CCDC102B: variants seen among roughly 807,000 people sequenced by gnomAD.
CCDC102B encodes the protein coiled-coil domain-containing protein 102B.
Under a neutral mutation model 57.4 loss-of-function variants are expected in CCDC102B, and 75 were observed. That is an observed-to-expected ratio of 1.31 (90% CI 1.08 to 1.58). CCDC102B has a LOEUF of 1.58. Among genes scored for constraint, CCDC102B ranks in the 40% most tolerant of loss-of-function variants. CCDC102B has a pLI of 0.00. For missense variants in CCDC102B, 636 were observed against 582.6 expected (o/e 1.09, Z -0.94); for synonymous variants, 206 against 201.9 (o/e 1.02, Z -0.17).
intron 2 of CCDC102B, among the ~76,000 whole-genome samples, chr18:68,769,407 C>T (rs2034567513): frequency 6.6e-6 from 1 of 152,054 alleles, no homozygotes; most frequent in African/African-American, 2.4e-5. Context: ...GCCCCATCTC[C>T]AAATAACATC....
At chr18:68,799,160 T>C (rs566274505) in intron 1 of CCDC102B, among the ~76,000 whole-genome samples, 3 of 152,224 alleles carry the variant, frequency 2.0e-5, no homozygotes, top group East Asian at 3.9e-4. Context: ...TTTTTATATA[T>C]CCAGTAAATA....
At chr18:69,003,636 T>C (rs968884336) in intron 6 of CCDC102B, among the ~76,000 whole-genome samples, 1 of 152,172 alleles carries the variant, frequency 6.6e-6, no homozygotes, top group Admixed American at 6.6e-5. Context: ...AATGAGCACA[T>C]AAAACAGTCT....
At chr18:68,973,279 G>A (rs2050347723) in intron 6 of CCDC102B, among the ~76,000 whole-genome samples, 1 of 152,076 alleles carries the variant, frequency 6.6e-6, no homozygotes, top group Non-Finnish European at 1.5e-5. Context: ...CTGCGTGTAA[G>A]TCTATATAAA....
chr18:68,811,659 C>G (rs1247667234), intron 1 of CCDC102B, among the ~76,000 whole-genome samples: 1 of 151,874 alleles, frequency 6.6e-6, no homozygotes, highest in Non-Finnish European at 1.5e-5. Context: ...ACAATTTAGG[C>G]AGGCAGAAGG....
At chr18:68,944,164 T>A (rs2049466622) in intron 6 of CCDC102B, among the ~76,000 whole-genome samples, 1 of 152,120 alleles carries the variant, frequency 6.6e-6, no homozygotes, top group African/African-American at 2.4e-5. Context: ...TAAGGAGCTC[T>A]TAATGTCTTG....
At chr18:68,796,830 T>A (rs1367098540), upstream of CCDC102B, among the ~76,000 whole-genome samples, 2 of 107,158 alleles carry the variant, frequency 1.9e-5, no homozygotes, top group Non-Finnish European at 3.9e-5. Context: ...AAATAGAATA[T>A]TTATGTACAT....
chr18:69,025,876 G>C (rs2051975029), intron 7 of CCDC102B, among the ~76,000 whole-genome samples: 1 of 152,168 alleles, frequency 6.6e-6, no homozygotes, highest in Non-Finnish European at 1.5e-5. Context: ...TCCGGAACTA[G>C]TTCCACATGC....
intron 1 of CCDC102B, among the ~76,000 whole-genome samples, chr18:68,821,467 A>G (rs1056731871): frequency 1.3e-5 from 2 of 151,582 alleles, no homozygotes; most frequent in Admixed American, 1.3e-4. Flanking sequence ...AATTAGACTC[A>G]CATACAATAT....
chr18:68,771,246 C>A (rs1012261034), intron 2 of CCDC102B, among the ~76,000 whole-genome samples: 4 of 152,142 alleles, frequency 2.6e-5, no homozygotes, highest in African/African-American at 9.7e-5. Flanking sequence ...GTCAAAGCAA[C>A]CAAGACTTCC....
At chr18:68,927,577 A>T (rs1568335093) in intron 6 of CCDC102B, among the ~76,000 whole-genome samples, 1 of 151,996 alleles carries the variant, frequency 6.6e-6, no homozygotes, top group Non-Finnish European at 1.5e-5. Flanking sequence ...AATGACATTG[A>T]TTGATTTAAA....
intron 6 of CCDC102B, among the ~76,000 whole-genome samples, chr18:68,954,312 C>G (rs867759187): frequency 6.6e-6 from 1 of 152,036 alleles, no homozygotes; most frequent in Non-Finnish European, 1.5e-5. Context: ...CCCAGCTACT[C>G]GGGAGGCTTA....
rs620271 is a variant in CCDC102B, at chr18:68,764,105, G to A, written c.-67+47511G>A. Reference sequence around the variant, plus strand: ...AAAATCTTAACATTCAAAAGCCAAGGATCTTAAGTACTCTTTGTTTGAAAT... The same window carrying A: ...AAAATCTTAACATTCAAAAGCCAAGAATCTTAAGTACTCTTTGTTTGAAAT... On this transcript the variant is annotated intron_variant, in intron 2 of 3. Transcript: ENST00000578970. 3.6e-3 allele frequency among the ~76,000 whole-genome samples: 550 copies of A among 152,092 alleles called. 2 individuals are homozygous for A. The highest frequency in any genetic ancestry group is 0.013 in the African/African-American group (521 of 41,506).
intron 2 of CCDC102B, among the ~76,000 whole-genome samples, chr18:68,781,649 TA>T (rs1278559322): frequency 6.6e-6 from 1 of 152,190 alleles, no homozygotes; most frequent in Non-Finnish European, 1.5e-5. Flanking sequence ...GCCAATGTGA[TA>T]AATAATTTCT....
intron 2 of CCDC102B, among the ~76,000 whole-genome samples, chr18:68,722,350 C>T (rs372126249): frequency 3.9e-5 from 6 of 152,302 alleles, no homozygotes; most frequent in African/African-American, 1.4e-4. Context: ...ATGATACAGA[C>T]ATTACTGGCC....
chr18:68,756,171 TAAG>T (rs1281870394), intron 2 of CCDC102B, among the ~76,000 whole-genome samples: 1 of 151,730 alleles, frequency 6.6e-6, no homozygotes, highest in Non-Finnish European at 1.5e-5. Flanking sequence ...GGCAAAGAAA[TAAG>T]AACAAATAAT....
At chr18:68,765,954 A>G (rs1310054348) in intron 2 of CCDC102B, among the ~76,000 whole-genome samples, 1 of 152,122 alleles carries the variant, frequency 6.6e-6, no homozygotes, top group African/African-American at 2.4e-5. Flanking sequence ...TTTTAAGGAC[A>G]TAGCAGTTTT....
At chr18:68,748,291 C>G (rs1337864683) in intron 2 of CCDC102B, among the ~76,000 whole-genome samples, 2 of 147,350 alleles carry the variant, frequency 1.4e-5, no homozygotes. Flanking sequence ...ATTATATAAT[C>G]TGGATATTAA....
chr18:68,941,340 A>G (rs1292878717), intron 6 of CCDC102B, among the ~76,000 whole-genome samples: 1 of 151,884 alleles, frequency 6.6e-6, no homozygotes, highest in Non-Finnish European at 1.5e-5. Flanking sequence ...AATTTAGGGG[A>G]TATTATTAAG....
intron 6 of CCDC102B, among the ~76,000 whole-genome samples, chr18:68,999,751 C>T (rs779878535): frequency 8.5e-5 from 13 of 152,136 alleles, no homozygotes; most frequent in Admixed American, 2.0e-4. Flanking sequence ...TTCTACTTAT[C>T]CTTAGATTCT....
Sources: allele counts gnomAD v4.1 joint callset (sites outside exome capture counted in the v4.1 genomes callset), GRCh38; gene constraint gnomAD v4.1.1; transcripts MANE v1.5; gene names NCBI Gene and HGNC (gene_info 2026-07-23, HGNC 2026-07-21).